VAV1: variants seen among roughly 807,000 people sequenced by gnomAD.
VAV1 encodes the protein proto-oncogene vav.
In VAV1, 33 loss-of-function variants were observed where a neutral mutation model predicts 128.1. The observed-to-expected ratio is 0.26, with a 90% CI of 0.20 to 0.34. The LOEUF is 0.34. Among genes scored for constraint, VAV1 ranks in the 10% least tolerant of loss-of-function variants. The pLI is 1.00. For synonymous variants in VAV1, 394 were observed against 409.8 expected, an observed-to-expected ratio of 0.96 and a Z score of 0.47; for missense variants, 715 against 1,093.7, an observed-to-expected ratio of 0.65 and a Z score of 4.88.
At position 6,826,323 on chromosome 19, in the gene VAV1, C is replaced by T. The variant is rs1039447735; in HGVS notation, c.828-289C>T. On this transcript the variant is annotated intron_variant, in intron 8 of 26. Transcript: ENST00000602142. This position sits in a 1 kb window ranked among gnomAD's most constrained non-coding sequence, Gnocchi z 4.1. The stretch of plus-strand genomic sequence containing the variant: ...ACTGTACTCCAGCCTGGGAGACAAG[C>T]GTGAAACCCCGTCTCAAAAATAAAT... 4.0e-5 allele frequency among the ~76,000 whole-genome samples: 6 copies of T among 151,522 alleles called. No homozygotes were observed. Among genetic ancestry groups the T allele is most frequent in the Admixed American group, 3.3e-4 (5 of 15,212 alleles).
intron 1 of VAV1, among the ~76,000 whole-genome samples, chr19:6,794,226 T>C (rs897341191): frequency 6.6e-6 from 1 of 152,164 alleles, no homozygotes; most frequent in Non-Finnish European, 1.5e-5. Flanking sequence ...TAATAAATCA[T>C]TTATCAATGA....
At chr19:6,814,657 TTCCTTC>T (rs1300748129) in intron 1 of VAV1, among the ~76,000 whole-genome samples, 8 of 67,004 alleles carry the variant, frequency 1.2e-4, no homozygotes, top group Non-Finnish European at 1.6e-4. Flanking sequence ...CCTTCCTTCC[TTCCTTC>T]CTTCCTTCCT....
chr19:6,774,496 G>A lies in VAV1; in HGVS notation c.204+1485G>A, dbSNP rs1442455631. ...TGTCGCCCAGGCTGGAGGCAGTGGT[G>A]CGATCTCAGCTCACTGCAACCTTAG... On this transcript the variant is annotated intron_variant, in intron 1 of 26. Coordinates refer to ENST00000602142, the MANE Select transcript of VAV1 (RefSeq NM_005428.4). Among the ~76,000 whole-genome samples the A allele has an allele frequency of 2.2e-5, 3 of 137,710 alleles. No homozygotes were observed. The Admixed American group carries it at 2.3e-4, about 11-fold the overall frequency. The allele number at this position is 137,710 out of a possible 152,430, so 90.3% of individuals were successfully genotyped here.
intron 1 of VAV1, among the ~76,000 whole-genome samples, chr19:6,812,428 G>A (rs944521538): frequency 2.0e-5 from 3 of 152,170 alleles, no homozygotes; most frequent in African/African-American, 7.2e-5. Flanking sequence ...GCCAAGGCAG[G>A]CAGATTACTT....
chr19:6,823,029 T>C (rs917079912), intron 6 of VAV1, among the ~76,000 whole-genome samples: 3 of 148,122 alleles, frequency 2.0e-5, no homozygotes, highest in East Asian at 1.9e-4. Context: ...TCTTTTTATA[T>C]AGATATATAT....
intron 1 of VAV1, chr19:6,784,192 T>C: frequency 1.6e-6 from 1 of 626,896 alleles, no homozygotes; most frequent in Non-Finnish European, 2.9e-6. Flanking sequence ...AGTTTGATGC[T>C]GCAGTGAGCT....
At position 6,800,637 on chromosome 19, in the gene VAV1, GT is replaced by G. The variant is rs200086086; in HGVS notation, c.205-20058del. Among the ~76,000 whole-genome samples the G allele has an allele frequency of 5.5e-5, 8 of 144,702 alleles. No individual in the cohort carries two copies. In the Admixed American group the frequency reaches 5.5e-4, roughly 10 times the overall value. 94.9% of individuals were successfully genotyped at this position (144,702 alleles called of 152,430 possible). A position where few individuals can be genotyped will look rare whatever the true frequency, so the allele number is the denominator to read the frequency against. On this transcript the variant is annotated intron_variant, in intron 1 of 26. Coordinates refer to ENST00000602142, the MANE Select transcript of VAV1 (RefSeq NM_005428.4). The stretch of plus-strand genomic sequence containing the variant: ...TTTTTTTTGTTTTGTTTTGTTTTTT[GT>G]TTTTTTGAGACATCCTCGGTCTGTT...
chr19:6,780,075 C>A lies in VAV1; in HGVS notation c.204+7064C>A, dbSNP rs559197991. ...GCAGTGAGCCGAGATCAGGCCACTG[C>A]ACTCCAGCCTGGGCGACAGAGCAAG... On this transcript the variant is annotated intron_variant, in intron 1 of 26. Transcript: ENST00000602142. 6.8e-5 allele frequency among the ~76,000 whole-genome samples: 10 copies of A among 147,214 alleles called. 1 individual carries two copies. Among genetic ancestry groups the A allele is most frequent in the African/African-American group, 2.2e-4 (9 of 40,710 alleles).
chr19:6,791,040 A>T (rs937680004), intron 1 of VAV1, among the ~76,000 whole-genome samples: 1 of 151,324 alleles, frequency 6.6e-6, no homozygotes, highest in African/African-American at 2.4e-5. Flanking sequence ...TTGGATTGTG[A>T]CTCCATCTTT....
chr19:6,797,745 A>G (rs1396657779), intron 1 of VAV1, among the ~76,000 whole-genome samples: 1 of 140,222 alleles, frequency 7.1e-6, no homozygotes, highest in Non-Finnish European at 1.5e-5. Context: ...ACTCCGTCTA[A>G]AAAAAAAAAA....
chr19:6,833,475 G>A, intron 16 of VAV1, 53 bp from the exon 17 acceptor site: 1 of 1,509,572 alleles, frequency 6.6e-7, no homozygotes, highest in Non-Finnish European at 8.9e-7. Flanking sequence ...CAGAATATTT[G>A]GCCCTGTCTG....
At chr19:6,811,903 G>A (rs1971520484) in intron 1 of VAV1, among the ~76,000 whole-genome samples, 1 of 152,174 alleles carries the variant, frequency 6.6e-6, no homozygotes, top group Non-Finnish European at 1.5e-5. Context: ...GCTTTTCCCC[G>A]CAGATAATTC....
At chr19:6,832,795 G>A (rs1300599920) in intron 15 of VAV1, among the ~76,000 whole-genome samples, 1 of 150,914 alleles carries the variant, frequency 6.6e-6, no homozygotes, top group Non-Finnish European at 1.5e-5. Flanking sequence ...CTTTTTATGT[G>A]AGGCAAAATT....
rs1350188653 is a variant in VAV1 at position 6,824,904 on chromosome 19, A to T, written c.655-149A>T. ...TTCCGCTTTTGGGTTATTATGAATA[A>T]TTTCACTGTGAACATTCTTGTACAA... On this transcript the variant is annotated intron_variant, in intron 6 of 26. Coordinates refer to ENST00000602142, the MANE Select transcript of VAV1 (RefSeq NM_005428.4). 4 of 870,610 alleles carry T rather than the reference A, an allele frequency of 4.6e-6. No homozygotes were observed. The African/African-American group carries it at 6.7e-5, about 14-fold the overall frequency. 53.9% of individuals were successfully genotyped at this position (870,610 alleles called of 1,614,324 possible).
chr19:6,830,499 G>A (rs1972029479), intron 14 of VAV1, among the ~76,000 whole-genome samples: 1 of 151,716 alleles, frequency 6.6e-6, no homozygotes, highest in South Asian at 2.1e-4. Context: ...GAATGCAGTG[G>A]CACGGTCTTG....
At chr19:6,778,196 CAA>C (rs1970687152) in intron 1 of VAV1, among the ~76,000 whole-genome samples, 1 of 152,112 alleles carries the variant, frequency 6.6e-6, no homozygotes, top group Admixed American at 6.6e-5. Context: ...CTCGGCCTCC[CAA>C]AGTGTTAGGA....
chr19:6,846,855 A>G (rs1022488584), intron 22 of VAV1, among the ~76,000 whole-genome samples: 1 of 147,630 alleles, frequency 6.8e-6, no homozygotes, highest in Non-Finnish European at 1.5e-5. Context: ...TATTATTTAT[A>G]TTGAATATTT....
intron 1 of VAV1, among the ~76,000 whole-genome samples, chr19:6,796,886 A>G (rs1452768625): frequency 4.6e-5 from 7 of 152,176 alleles, no homozygotes; most frequent in Admixed American, 3.3e-4. Context: ...TCTTTGGTTC[A>G]TAGCTGTATC....
chr19:6,847,244 G>A (rs141032943), intron 22 of VAV1, among the ~76,000 whole-genome samples: 6 of 152,172 alleles, frequency 3.9e-5, no homozygotes, highest in African/African-American at 1.2e-4. Flanking sequence ...ATACTGCGCC[G>A]CCATCACTGC....
Sources: gnomAD v4.1 joint callset for allele counts (sites outside exome capture counted in the v4.1 genomes callset) on GRCh38, gnomAD v4.1.1 for gene constraint, Gnocchi (gnomAD v3.1) non-coding constraint, MANE v1.5 for transcripts, NCBI Gene and HGNC (gene_info 2026-07-23, HGNC 2026-07-21) for gene names.